Variants in DLC1 observed in about 807,000 individuals in gnomAD.
The protein encoded by DLC1 is DLC1 Rho GTPase activating protein.
Under a neutral mutation model 140.3 loss-of-function variants are expected in DLC1, and 54 were observed. The ratio of observed to expected loss-of-function variants is 0.38; its 90% CI spans 0.31 to 0.48. The LOEUF (loss-of-function observed/expected upper bound fraction) is 0.48. Ranked by LOEUF, DLC1 falls within the 20% of genes least tolerant of loss-of-function variation. DLC1 has a pLI of 0.96. For synonymous variants in DLC1, 986 were observed against 728.1 expected (o/e 1.35, Z -5.70); for missense variants, 2,536 against 1,907.0 (o/e 1.33, Z -6.14).
At chr8:13,222,873 C>T (rs577637411) in intron 5 of DLC1, among the ~76,000 whole-genome samples, 2 of 151,806 alleles carry the variant, frequency 1.3e-5, no homozygotes, top group East Asian at 3.9e-4. Flanking sequence ...CCTCCCCAGT[C>T]GCTGGGACTA....
chr8:13,372,963 G>GAAGC, intron 4 of DLC1, among the ~76,000 whole-genome samples: 1 of 152,164 alleles, frequency 6.6e-6, no homozygotes, highest in Non-Finnish European at 1.5e-5. Flanking sequence ...CAGCTAGGAA[G>GAAGC]TAGCTACAGG....
chr8:13,140,183 A>C (rs757210833), intron 5 of DLC1, among the ~76,000 whole-genome samples: 3 of 152,058 alleles, frequency 2.0e-5, no homozygotes, highest in Non-Finnish European at 4.4e-5. Context: ...TATAATGGTT[A>C]AATATTTTCT....
chr8:13,544,981 C>G (rs916466823), intron 1 of DLC1, among the ~76,000 whole-genome samples: 5 of 152,108 alleles, frequency 3.3e-5, no homozygotes, highest in African/African-American at 9.7e-5. Context: ...AATAGCACCC[C>G]CCCTGGAACT....
intron 2 of DLC1, among the ~76,000 whole-genome samples, chr8:13,453,067 T>C (rs1030647661): frequency 2.0e-5 from 3 of 151,814 alleles, no homozygotes; most frequent in Non-Finnish European, 2.9e-5. Flanking sequence ...CCTCATTTTA[T>C]AGAAGAAATG....
intron 2 of DLC1, among the ~76,000 whole-genome samples, chr8:13,483,682 T>C (rs533973010): frequency 1.3e-5 from 2 of 151,952 alleles, no homozygotes; most frequent in Non-Finnish European, 2.9e-5. Flanking sequence ...GAAGATGAGA[T>C]GGCATAGGTG....
At chr8:13,483,058 G>A (rs1483895675) in intron 2 of DLC1, among the ~76,000 whole-genome samples, 1 of 152,148 alleles carries the variant, frequency 6.6e-6, no homozygotes, top group African/African-American at 2.4e-5. Context: ...TTCTCAGAAG[G>A]CTCTAGGGCA....
chr8:13,224,322 A>G (rs1025684526), intron 5 of DLC1, among the ~76,000 whole-genome samples: 1 of 152,222 alleles, frequency 6.6e-6, no homozygotes, highest in East Asian at 1.9e-4. Flanking sequence ...GGAAGATCCT[A>G]TTGCTGAGGA....
chr8:13,185,927 G>T (rs1272538387), intron 5 of DLC1, among the ~76,000 whole-genome samples: 2 of 152,186 alleles, frequency 1.3e-5, no homozygotes, highest in East Asian at 1.9e-4. Context: ...GGCTGGATAT[G>T]AAATTCTGGG....
At chr8:13,120,289 GCT>G (rs1820931633) in intron 5 of DLC1, among the ~76,000 whole-genome samples, 2 of 140,242 alleles carry the variant, frequency 1.4e-5, no homozygotes. Flanking sequence ...GTGGCAGTGA[GCT>G]GAGATTGGGT....
intron 1 of DLC1, among the ~76,000 whole-genome samples, chr8:13,541,422 A>G (rs1395757209): frequency 6.6e-6 from 1 of 152,182 alleles, no homozygotes; most frequent in Non-Finnish European, 1.5e-5. Context: ...AGCAACAACA[A>G]TCTCTGAGAG....
chr8:13,128,335 C>T (rs369450342), intron 5 of DLC1, among the ~76,000 whole-genome samples: 1 of 152,186 alleles, frequency 6.6e-6, no homozygotes, highest in East Asian at 1.9e-4. Context: ...AACACTCCCC[C>T]AAATGTTAAA....
chr8:13,592,398 A>G (rs943358850), intron 1 of DLC1, among the ~76,000 whole-genome samples: 5 of 151,794 alleles, frequency 3.3e-5, no homozygotes, highest in Admixed American at 2.6e-4. Context: ...TTTTATTTAT[A>G]TTTTTATATT....
chr8:13,479,857 AAG>A (rs1192805218), intron 2 of DLC1, among the ~76,000 whole-genome samples: 1 of 79,800 alleles, frequency 1.3e-5, no homozygotes, highest in Admixed American at 1.1e-4. Flanking sequence ...GAAGAAGAAG[AAG>A]AGAAAAAGAA....
chr8:13,429,925 A>G (rs77469111), intron 2 of DLC1, among the ~76,000 whole-genome samples: 4,412 of 152,324 alleles, frequency 0.029, 209 homozygotes, highest in African/African-American at 0.1. Flanking sequence ...TAAGTTATTC[A>G]TATCATATTT....
intron 5 of DLC1, among the ~76,000 whole-genome samples, chr8:13,302,994 C>A (rs1344564287): frequency 6.6e-6 from 1 of 152,056 alleles, no homozygotes; most frequent in African/African-American, 2.4e-5. Flanking sequence ...AAATAAATCA[C>A]ATTCTCTTTT....
intron 2 of DLC1, among the ~76,000 whole-genome samples, chr8:13,410,923 A>C (rs1837754813): frequency 6.6e-6 from 1 of 152,210 alleles, no homozygotes; most frequent in Non-Finnish European, 1.5e-5. Flanking sequence ...TGTTTGAATT[A>C]ATTTAAAAAC....
At chr8:13,382,348 A>C (rs573538192) in intron 4 of DLC1, among the ~76,000 whole-genome samples, 59 of 151,518 alleles carry the variant, frequency 3.9e-4, no homozygotes, top group African/African-American at 1.3e-3. Context: ...TCTACTAAAA[A>C]TACAAAAAAT....
At chr8:13,408,507 C>G (rs1486339025) in intron 2 of DLC1, among the ~76,000 whole-genome samples, 1 of 152,164 alleles carries the variant, frequency 6.6e-6, no homozygotes, top group Admixed American at 6.5e-5. Flanking sequence ...ACACAGTTTC[C>G]TGAGTAGTTT....
At chr8:13,601,668 A>G (rs1411529549) in intron 1 of DLC1, among the ~76,000 whole-genome samples, 1 of 151,620 alleles carries the variant, frequency 6.6e-6, no homozygotes. Context: ...AAACAAAACA[A>G]CAACGACAAC....
Sources: gnomAD v4.1 joint callset for allele counts (sites outside exome capture counted in the v4.1 genomes callset) on GRCh38, gnomAD v4.1.1 for gene constraint, MANE v1.5 for transcripts, NCBI Gene and HGNC (gene_info 2026-07-23, HGNC 2026-07-21) for gene names.